The following KAZN variants were observed in gnomAD, a reference collection of about 807,000 sequenced individuals.
KAZN encodes the protein kazrin, periplakin interacting protein.
Under a neutral mutation model 87.4 loss-of-function variants are expected in KAZN, and 40 were observed. That is an observed-to-expected ratio of 0.46 (90% CI 0.36 to 0.60). KAZN has a LOEUF of 0.60. Ranked by LOEUF, KAZN falls within the 20% of genes least tolerant of loss-of-function variation. The probability of loss-of-function intolerance (pLI) is 0.00; values close to 1 mark genes in which losing one functional copy is unlikely to be tolerated. For missense variants in KAZN, 898 were observed against 1,073.9 expected (o/e 0.84, Z 2.29); for synonymous variants, 466 against 458.3 (o/e 1.02, Z -0.22).
intron 1 of KAZN, among the ~76,000 whole-genome samples, chr1:14,881,625 C>A (rs900314720): frequency 1.3e-5 from 2 of 152,186 alleles, no homozygotes; most frequent in Non-Finnish European, 2.9e-5. Flanking sequence ...TAGGAACTTA[C>A]AGTCTCATGT....
intron 1 of KAZN, among the ~76,000 whole-genome samples, chr1:13,934,188 T>G (rs866396967): frequency 2.6e-5 from 4 of 152,204 alleles, no homozygotes; most frequent in Non-Finnish European, 2.9e-5. Context: ...CAAAAGCAAC[T>G]GCTGCCTCTC....
At chr1:13,912,251 C>T (rs1055041205) in intron 1 of KAZN, among the ~76,000 whole-genome samples, 2 of 152,156 alleles carry the variant, frequency 1.3e-5, no homozygotes, top group African/African-American at 2.4e-5. Flanking sequence ...CAGAAGAGAA[C>T]CCCCGTCTTT....
In KAZN at chr1:14,856,372, G is replaced by A. The variant is rs539066928; in HGVS notation, c.227-104312G>A. 6.6e-6 allele frequency among the ~76,000 whole-genome samples: 1 copy of A among 152,304 alleles called. No individual in the cohort carries two copies. The highest frequency in any genetic ancestry group is 2.1e-4 in the South Asian group (1 of 4,818). On this transcript the variant is annotated intron_variant, in intron 1 of 14. Coordinates refer to ENST00000376030, the MANE Select transcript of KAZN (RefSeq NM_201628.3). This position sits in a 1 kb window ranked among gnomAD's most constrained non-coding sequence, Gnocchi z 5.2. ...CCTAGAGGTTTCTTTAAAGACAAGT[G>A]AAGATTCAATGCTAAGGAATTTTGA...
chr1:14,972,300 A>G (rs1246034244), intron 2 of KAZN, among the ~76,000 whole-genome samples: 1 of 152,142 alleles, frequency 6.6e-6, no homozygotes, highest in Non-Finnish European at 1.5e-5. Flanking sequence ...ATCCCAGGAG[A>G]AGACCTTTGG....
chr1:14,366,717 CTT>C (rs1660031497), intron 2 of KAZN, among the ~76,000 whole-genome samples: 1 of 152,216 alleles, frequency 6.6e-6, no homozygotes, highest in Non-Finnish European at 1.5e-5. Flanking sequence ...TTACAGTGCT[CTT>C]TGAGCTCTGC....
intron 2 of KAZN, among the ~76,000 whole-genome samples, chr1:14,387,144 GC>G (rs1213523035): frequency 6.6e-6 from 1 of 152,108 alleles, no homozygotes. Context: ...TAGTTCTCAA[GC>G]CTTGGTTTTC....
chr1:14,552,420 C>T lies in KAZN; in HGVS notation c.250-46563C>T, dbSNP rs1435748590. On this transcript the variant is annotated intron_variant, in intron 2 of 16. Transcript: ENST00000636203. ...AGGCCCAGATCCCCACCCTCCGTAC[C>T]ACGGCTCCCCTTCCGGCAACCGGCA... 5.9e-5 allele frequency among the ~76,000 whole-genome samples: 9 copies of T among 152,232 alleles called. 1 individual carries two copies. The highest frequency in any genetic ancestry group is 3.9e-4 in the Admixed American group (6 of 15,288).
At chr1:15,063,815 C>T (rs1449383317) in intron 7 of KAZN, among the ~76,000 whole-genome samples, 193 bp downstream of exon 7, 2 of 151,586 alleles carry the variant, frequency 1.3e-5, no homozygotes, top group Non-Finnish European at 2.9e-5. Flanking sequence ...GCTGAGCCCA[C>T]ATCCATGCCG....
At chr1:14,292,812 C>T (rs2100752142) in intron 2 of KAZN, among the ~76,000 whole-genome samples, 1 of 152,330 alleles carries the variant, frequency 6.6e-6, no homozygotes, top group East Asian at 1.9e-4. Flanking sequence ...CTTCTCAGTG[C>T]ACCTGTTTCC....
At chr1:14,040,654 C>A (rs370566884) in intron 1 of KAZN, among the ~76,000 whole-genome samples, 2 of 152,144 alleles carry the variant, frequency 1.3e-5, no homozygotes, top group East Asian at 1.9e-4. Context: ...CCCAGCTACT[C>A]AGGCTGGGGC....
At chr1:14,229,637 G>A (rs930480744) in intron 2 of KAZN, among the ~76,000 whole-genome samples, 4 of 152,146 alleles carry the variant, frequency 2.6e-5, no homozygotes, top group Non-Finnish European at 4.4e-5. Flanking sequence ...ATTCATATAA[G>A]GGCCCTCTAA....
At chr1:14,291,933 A>C (rs568291450) in intron 2 of KAZN, among the ~76,000 whole-genome samples, 28 of 152,274 alleles carry the variant, frequency 1.8e-4, no homozygotes, top group Admixed American at 1.4e-3. Flanking sequence ...CCATGATTGT[A>C]AGTTTCCTGA....
At chr1:15,107,189 ACC>A (rs1214141057) in intron 13 of KAZN, among the ~76,000 whole-genome samples, 1 of 152,168 alleles carries the variant, frequency 6.6e-6, no homozygotes, top group African/African-American at 2.4e-5. Context: ...GTCATTGAAC[ACC>A]TGCTGTGAGC....
At chr1:14,789,110 G>A (rs890829496) in intron 1 of KAZN, among the ~76,000 whole-genome samples, 2 of 152,158 alleles carry the variant, frequency 1.3e-5, no homozygotes, top group Admixed American at 6.5e-5. Flanking sequence ...GGGAGCATTC[G>A]TTCATTCCCT....
At chr1:14,167,071 C>A (rs188165361) in intron 1 of KAZN, among the ~76,000 whole-genome samples, 1 of 152,302 alleles carries the variant, frequency 6.6e-6, no homozygotes, top group East Asian at 1.9e-4. Flanking sequence ...AAAAGATTTT[C>A]CTTAATGGAA....
At chr1:14,509,214 A>C (rs6687225) in intron 2 of KAZN, among the ~76,000 whole-genome samples, 103,872 of 151,966 alleles carry the variant, frequency 0.68, 36,251 homozygotes, top group South Asian at 0.78. Flanking sequence ...CAGGACCTAT[A>C]ATGGTGGCTT....
At chr1:15,074,590 A>G (rs781095685) in intron 8 of KAZN, among the ~76,000 whole-genome samples, 1 of 152,244 alleles carries the variant, frequency 6.6e-6, no homozygotes, top group Non-Finnish European at 1.5e-5. Context: ...TCTATAAGAC[A>G]AGGCCAAGGC....
At chr1:14,990,301 C>T (rs1246246685) in intron 2 of KAZN, among the ~76,000 whole-genome samples, 1 of 152,168 alleles carries the variant, frequency 6.6e-6, no homozygotes, top group Non-Finnish European at 1.5e-5. Context: ...CCGCTCACTG[C>T]AACCTCCACC....
At chr1:15,078,212 C>T (rs931721584) in intron 8 of KAZN, among the ~76,000 whole-genome samples, 27 of 151,932 alleles carry the variant, frequency 1.8e-4, no homozygotes, top group African/African-American at 5.8e-4. Context: ...GCTGGGAGTT[C>T]GAGACCAGCC....
Sources: allele counts gnomAD v4.1 joint callset (sites outside exome capture counted in the v4.1 genomes callset), GRCh38; gene constraint gnomAD v4.1.1; non-coding constraint Gnocchi (gnomAD v3.1); transcripts MANE v1.5; gene names NCBI Gene and HGNC (gene_info 2026-07-23, HGNC 2026-07-21).